The following COL6A6 variants were observed in gnomAD, a reference collection of about 807,000 sequenced individuals.
COL6A6 encodes collagen type VI alpha 6 chain, also known as collagen alpha-6(VI) chain.
In COL6A6, 183 loss-of-function variants were observed where a neutral mutation model predicts 208.6. The ratio of observed to expected loss-of-function variants is 0.88; its 90% CI spans 0.78 to 0.99. The LOEUF is 0.99. COL6A6 is among the 50% of genes least tolerant of loss of function. COL6A6 has a pLI of 0.00. For synonymous variants in COL6A6, 973 were observed against 1,011.8 expected, an observed-to-expected ratio of 0.96 and a Z score of 0.73; for missense variants, 2,816 against 2,815.2, an observed-to-expected ratio of 1.00 and a Z score of -0.01.
At chr3:130,569,957 A>G (rs1383172847) in intron 6 of COL6A6, among the ~76,000 whole-genome samples, 1 of 152,182 alleles carries the variant, frequency 6.6e-6, no homozygotes, top group Non-Finnish European at 1.5e-5. Context: ...TCACAATTCC[A>G]TTTCTCAAGA....
intron 22 of COL6A6, 27 bp downstream of exon 22, chr3:130,608,991 G>A: frequency 9.6e-6 from 15 of 1,567,034 alleles, no homozygotes; most frequent in Non-Finnish European, 1.3e-5. Flanking sequence ...ATCAGGGTGT[G>A]AGAACATAAA....
chr3:130,536,298 C>G (rs1229767336), intron 1 of COL6A6, among the ~76,000 whole-genome samples: 1 of 152,238 alleles, frequency 6.6e-6, no homozygotes, highest in Non-Finnish European at 1.5e-5. Context: ...ACACCTGTCT[C>G]TTTTCATTCT....
intron 19 of COL6A6, among the ~76,000 whole-genome samples, chr3:130,598,973 C>T (rs1203550037): frequency 6.6e-6 from 1 of 152,100 alleles, no homozygotes; most frequent in Non-Finnish European, 1.5e-5. Flanking sequence ...GGATAATGTT[C>T]CCTTGATGAC....
intron 23 of COL6A6, among the ~76,000 whole-genome samples, chr3:130,616,618 T>C (rs1174577982): frequency 6.7e-6 from 1 of 150,272 alleles, no homozygotes; most frequent in African/African-American, 2.4e-5. Flanking sequence ...GAAGCTGTAA[T>C]TATTTTTTAA....
At chr3:130,623,144 G>C (rs1162520379) in intron 24 of COL6A6, among the ~76,000 whole-genome samples, 1 of 152,082 alleles carries the variant, frequency 6.6e-6, no homozygotes, top group African/African-American at 2.4e-5. Context: ...ATTTTAAATA[G>C]GCAACTCAGT....
intron 33 of COL6A6, among the ~76,000 whole-genome samples, chr3:130,653,804 G>A (rs2065711366): frequency 6.6e-6 from 1 of 152,098 alleles, no homozygotes; most frequent in South Asian, 2.1e-4. Context: ...AAGATTACTT[G>A]GTCAAGGGGG....
intron 18 of COL6A6, among the ~76,000 whole-genome samples, chr3:130,596,573 A>C (rs1400873630): frequency 6.6e-6 from 1 of 152,228 alleles, no homozygotes; most frequent in African/African-American, 2.4e-5. Context: ...GTTTATTCTT[A>C]GGAAAGCATG....
chr3:130,593,177 GC>G, intron 16 of COL6A6, 21 bp from the exon 17 acceptor site: 1 of 1,612,714 alleles, frequency 6.2e-7, no homozygotes. Flanking sequence ...TCTATTAATA[GC>G]TTTCCCTTCT....
intron 20 of COL6A6, among the ~76,000 whole-genome samples, chr3:130,604,984 A>G (rs1412647735): frequency 2.6e-5 from 4 of 152,192 alleles, no homozygotes; most frequent in African/African-American, 9.7e-5. Flanking sequence ...GGCTTCTGCT[A>G]AATGTTGTGG....
chr3:130,519,184 G>T (rs1710924053), intron 1 of COL6A6, among the ~76,000 whole-genome samples: 1 of 152,110 alleles, frequency 6.6e-6, no homozygotes. Flanking sequence ...GTCACCAAAT[G>T]AAGATCAGGT....
chr3:130,659,296 G>A (rs1215395478), intron 34 of COL6A6, among the ~76,000 whole-genome samples: 1 of 152,166 alleles, frequency 6.6e-6, no homozygotes, highest in Non-Finnish European at 1.5e-5. Flanking sequence ...TATTTGTAGT[G>A]TTTTATACGT....
At chr3:130,582,812 T>A (rs2063456132) in intron 10 of COL6A6, among the ~76,000 whole-genome samples, 1 of 152,190 alleles carries the variant, frequency 6.6e-6, no homozygotes, top group Non-Finnish European at 1.5e-5. Context: ...GAATTGCCCT[T>A]GGACAGTAGA....
chr3:130,610,641 G>T lies in COL6A6; in HGVS notation c.4753-8G>T, dbSNP rs1321123690. ...GCAAAAAATAATGCTTTAATTCTAT[G>T]TACTTAGGGCCCAAGAGGAGAGGCT... On this transcript the variant is annotated splice_polypyrimidine_tract_variant and splice_region_variant and intron_variant, in intron 22 of 36. Coordinates refer to ENST00000358511, the MANE Select transcript of COL6A6 (RefSeq NM_001102608.3). 6.3e-7 allele frequency: 1 copy of T among 1,577,218 alleles called. No homozygotes were observed. Among genetic ancestry groups the T allele is most frequent in the Non-Finnish European group, 8.6e-7 (1 of 1,159,336 alleles).
At chr3:130,645,073 G>C (rs1199243951) in intron 32 of COL6A6, 71 bp downstream of exon 32, 2 of 1,455,930 alleles carry the variant, frequency 1.4e-6, no homozygotes, top group African/African-American at 2.8e-5. Flanking sequence ...AGATGAGTTA[G>C]AGCAATGTAT....
chr3:130,522,069 T>C (rs1228170338), intron 1 of COL6A6, among the ~76,000 whole-genome samples: 1 of 152,196 alleles, frequency 6.6e-6, no homozygotes, highest in Admixed American at 6.5e-5. Flanking sequence ...TTTCAGTAAA[T>C]GCAGTATAAG....
intron 1 of COL6A6, among the ~76,000 whole-genome samples, chr3:130,554,455 G>C (rs569237475): frequency 6.6e-6 from 1 of 152,320 alleles, no homozygotes; most frequent in African/African-American, 2.4e-5. Flanking sequence ...AGTGGTGTCA[G>C]TCTGGGAATG....
chr3:130,592,559 G>A lies in COL6A6; in HGVS notation c.4291G>A (p.Gly1431Arg), dbSNP rs746751515. ...TTCTCAGGGAGAAAGAGGAGCCCCT[G>A]GACCAGTGGGAGAGCAAGGTACTAA... ...EGIAGERGAP[G>R]PVGEQGTKGC... The change falls in exon 14 of 37, where the codon GGA becomes AGA. Residue 1431 changes from glycine (G) to arginine (R), a missense_variant. Transcript: ENST00000358511. 1.1e-5 allele frequency: 17 copies of A among 1,608,066 alleles called. No individual in the cohort carries two copies. The highest frequency in any genetic ancestry group is 7.7e-5 in the South Asian group (7 of 90,432).
chr3:130,565,509 T>C lies in COL6A6; in HGVS notation c.1177T>C (p.Phe393Leu). 6.2e-7 allele frequency: 1 copy of C among 1,614,018 alleles called. No homozygotes were observed. The highest frequency in any genetic ancestry group is 8.5e-7 in the Non-Finnish European group (1 of 1,179,890). Residue 393 changes from phenylalanine (F) to leucine (L), a missense_variant, in exon 4 of 37, where the codon TTC becomes CTC. Coordinates refer to ENST00000358511, the MANE Select transcript of COL6A6 (RefSeq NM_001102608.3). ...GCAGTATGTCTCCAAACTGAAGACC[T>C]TCGCTGACCTGGCTGCTCACAACCA... ...AEQYVSKLKTFADLAAHNQTF... is the reference protein window; with the variant it reads ...AEQYVSKLKTLADLAAHNQTF...
chr3:130,670,391 G>A (rs2108490231), intron 36 of COL6A6, among the ~76,000 whole-genome samples: 1 of 152,316 alleles, frequency 6.6e-6, no homozygotes, highest in Middle Eastern at 3.4e-3. Flanking sequence ...CACAGCACTT[G>A]GGGTTTAGTG....
Sources: gnomAD v4.1 joint callset for allele counts (sites outside exome capture counted in the v4.1 genomes callset) on GRCh38, gnomAD v4.1.1 for gene constraint, MANE v1.5 for transcripts, NCBI Gene and HGNC (gene_info 2026-07-23, HGNC 2026-07-21) for gene names.